Variants in CPNE4 observed in about 807,000 individuals in gnomAD.
CPNE4 encodes copine 4.
In CPNE4, 25 loss-of-function variants were observed where a neutral mutation model predicts 67.9. The observed-to-expected ratio is 0.37, with a 90% CI of 0.27 to 0.51. The LOEUF (loss-of-function observed/expected upper bound fraction) is 0.51, where lower values mean the gene tolerates loss of function less well. Among genes scored for constraint, CPNE4 ranks in the 20% least tolerant of loss-of-function variants. The pLI, the probability that CPNE4 is intolerant of heterozygous loss-of-function variation, is 0.93. For missense variants in CPNE4, 464 were observed against 690.8 expected, an observed-to-expected ratio of 0.67 and a Z score of 3.68; for synonymous variants, 242 against 244.9, an observed-to-expected ratio of 0.99 and a Z score of 0.11.
intron 1 of CPNE4, among the ~76,000 whole-genome samples, chr3:131,919,248 T>C (rs975767932): frequency 6.6e-6 from 1 of 152,194 alleles, no homozygotes; most frequent in Non-Finnish European, 1.5e-5. Flanking sequence ...AAATGCCAGC[T>C]GGATAGATTT....
chr3:131,612,815 ATTG>A (rs1307576615), intron 7 of CPNE4, among the ~76,000 whole-genome samples: 2 of 152,060 alleles, frequency 1.3e-5, no homozygotes, highest in African/African-American at 4.8e-5. Context: ...CCTATTTCCT[ATTG>A]TTGGTCTCCA....
At chr3:131,712,515 C>T (rs1049700768) in intron 3 of CPNE4, among the ~76,000 whole-genome samples, 5 of 152,036 alleles carry the variant, frequency 3.3e-5, no homozygotes, top group African/African-American at 9.7e-5. Flanking sequence ...AACAAATATT[C>T]CCGAAATCTT....
chr3:131,571,289 G>T (rs1213031676), intron 10 of CPNE4, among the ~76,000 whole-genome samples: 1 of 151,784 alleles, frequency 6.6e-6, no homozygotes, highest in Non-Finnish European at 1.5e-5. Context: ...CCAGATAGAG[G>T]TCCTCTACAA....
At chr3:131,612,926 T>C (rs542368264) in intron 7 of CPNE4, among the ~76,000 whole-genome samples, 9 of 152,228 alleles carry the variant, frequency 5.9e-5, no homozygotes, top group Non-Finnish European at 1.3e-4. Context: ...CCTTAGTCAA[T>C]GCTGCAGAAC....
At chr3:131,712,536 A>G (rs1452164808) in intron 3 of CPNE4, among the ~76,000 whole-genome samples, 1 of 152,226 alleles carries the variant, frequency 6.6e-6, no homozygotes, top group Non-Finnish European at 1.5e-5. Context: ...CACAACTTCT[A>G]AAATAATTGT....
intron 1 of CPNE4, among the ~76,000 whole-genome samples, chr3:131,921,915 G>A (rs2070748578): frequency 1.3e-5 from 2 of 152,212 alleles, no homozygotes; most frequent in East Asian, 3.9e-4. Flanking sequence ...TATCAAGCAG[G>A]CTCTTTTTGA....
Position 131,935,678 on chromosome 3 carries a change from G to A in CPNE4, c.-1-30234C>T, listed in dbSNP as rs143116859. On this transcript the variant is annotated intron_variant, in intron 1 of 15. Coordinates refer to ENST00000429747, the MANE Select transcript of CPNE4 (RefSeq NM_130808.3). ...GTATGACCAGAAGATTCAGGGAGAA[G>A]ATAGTATGCCTTGGTAATGTGGCTT... Among the ~76,000 whole-genome samples, 458 of 152,244 alleles carry A rather than the reference G, an allele frequency of 3.0e-3. 3 individuals are homozygous for A. The highest frequency in any genetic ancestry group is 0.01 in the African/African-American group (424 of 41,558).
At chr3:131,537,615 G>T (rs1935230882) in intron 15 of CPNE4, 3 of 305,386 alleles carry the variant, frequency 9.8e-6, no homozygotes, top group South Asian at 3.0e-5. Flanking sequence ...TGAACATTTT[G>T]GTTTAATCCC....
intron 1 of CPNE4, among the ~76,000 whole-genome samples, chr3:131,973,424 A>G (rs557820368): frequency 2.6e-5 from 4 of 152,308 alleles, no homozygotes; most frequent in African/African-American, 9.6e-5. Context: ...TGATGATGAT[A>G]TCTGATATTT....
chr3:131,543,089 G>A (rs1935614162), intron 14 of CPNE4: 1 of 295,334 alleles, frequency 3.4e-6, no homozygotes, highest in African/African-American at 2.1e-5. Context: ...CATTCTGTGA[G>A]ACCCTGGGAC....
At chr3:131,598,396 A>G (rs774913018) in intron 7 of CPNE4, among the ~76,000 whole-genome samples, 5 of 152,244 alleles carry the variant, frequency 3.3e-5, no homozygotes, top group Non-Finnish European at 7.3e-5. Context: ...TATTAAAGCA[A>G]TAAAATTGTT....
intron 7 of CPNE4, among the ~76,000 whole-genome samples, chr3:131,632,968 T>C (rs1417842308): frequency 6.6e-6 from 1 of 152,092 alleles, no homozygotes; most frequent in Non-Finnish European, 1.5e-5. Flanking sequence ...TCCAGACCTT[T>C]CCCCTGAACT....
At chr3:131,902,926 T>C (rs959542586) in intron 2 of CPNE4, among the ~76,000 whole-genome samples, 4 of 152,164 alleles carry the variant, frequency 2.6e-5, no homozygotes, top group African/African-American at 9.6e-5. Flanking sequence ...ATTTACATTC[T>C]AAGCCTTCGA....
intron 7 of CPNE4, among the ~76,000 whole-genome samples, chr3:131,615,889 TCTCACACACACA>T (rs1174063778): frequency 1.9e-4 from 19 of 100,324 alleles, no homozygotes; most frequent in African/African-American, 9.5e-4. Flanking sequence ...CATCTCTCTC[TCTCACACACACA>T]CACACACACA....
rs1303552292 is a variant in CPNE4, at chr3:132,034,609, G to C, written c.-44C>G. 1.0e-6 allele frequency: 1 copy of C among 985,442 alleles called. No homozygotes were observed. Among genetic ancestry groups the C allele is most frequent in the Non-Finnish European group, 1.2e-6 (1 of 830,002 alleles). The allele number at this position is 985,442 out of a possible 1,614,324, so 61.0% of individuals were successfully genotyped here. On this transcript the variant is annotated 5_prime_UTR_variant, in exon 1 of 16. Transcript: ENST00000429747. Reference sequence around the variant, plus strand: ...GAAGAGTGGAGAGAGAATTCAGCCCGGGACGAGGTCTGTCCCGCCCCCAGG... The same window carrying C: ...GAAGAGTGGAGAGAGAATTCAGCCCCGGACGAGGTCTGTCCCGCCCCCAGG...
intron 2 of CPNE4, among the ~76,000 whole-genome samples, chr3:131,738,293 G>C (rs1345027501): frequency 1.3e-5 from 2 of 152,266 alleles, no homozygotes; most frequent in Admixed American, 1.3e-4. Flanking sequence ...GTGATAGTAA[G>C]AGCAGTTCTG....
At chr3:131,800,608 A>C (rs1044417104) in intron 2 of CPNE4, among the ~76,000 whole-genome samples, 8 of 152,276 alleles carry the variant, frequency 5.3e-5, no homozygotes, top group African/African-American at 1.4e-4. Context: ...AGGCCCTCCT[A>C]CTGCTCCTGA....
intron 2 of CPNE4, among the ~76,000 whole-genome samples, chr3:131,856,041 A>G (rs563290639): frequency 6.6e-6 from 1 of 152,028 alleles, no homozygotes; most frequent in East Asian, 1.9e-4. Flanking sequence ...TGGTTATCCT[A>G]TTTTCCAAGA....
At chr3:131,827,808 T>G (rs550470902) in intron 2 of CPNE4, among the ~76,000 whole-genome samples, 1 of 151,918 alleles carries the variant, frequency 6.6e-6, no homozygotes, top group Non-Finnish European at 1.5e-5. Context: ...CAGATCCAGA[T>G]GGGGCAAGAC....
Sources: gnomAD v4.1 joint callset for allele counts (sites outside exome capture counted in the v4.1 genomes callset) on GRCh38, gnomAD v4.1.1 for gene constraint, MANE v1.5 for transcripts, NCBI Gene and HGNC (gene_info 2026-07-23, HGNC 2026-07-21) for gene names.